Variants in PLXNA2 observed in about 807,000 individuals in gnomAD.
The protein encoded by PLXNA2 is plexin A2.
Under a neutral mutation model 193.5 loss-of-function variants are expected in PLXNA2, and 91 were observed. That is an observed-to-expected ratio of 0.47 (90% CI 0.40 to 0.56). The LOEUF is 0.56. PLXNA2 is among the 20% of genes least tolerant of loss of function. PLXNA2 has a pLI of 0.00. For missense variants in PLXNA2, 1,995 were observed against 2,503.2 expected, an observed-to-expected ratio of 0.80 and a Z score of 4.33; for synonymous variants, 997 against 1,027.3, an observed-to-expected ratio of 0.97 and a Z score of 0.56.
intron 3 of PLXNA2, among the ~76,000 whole-genome samples, chr1:208,149,169 GTGTGGTGTGTGTACATA>G (rs1298552739): frequency 2.0e-5 from 3 of 152,130 alleles, no homozygotes; most frequent in Non-Finnish European, 4.4e-5. Context: ...TGTGTGGCAT[GTGTGGTGTGTGTACATA>G]TGTGGTGTGT....
At chr1:208,231,132 T>G (rs867097365) in intron 1 of PLXNA2, among the ~76,000 whole-genome samples, 1 of 151,932 alleles carries the variant, frequency 6.6e-6, no homozygotes, top group Admixed American at 6.6e-5. Context: ...CTCAGCCCAC[T>G]GTGAGGGAGA....
chr1:208,183,708 G>A (rs1043958455), intron 3 of PLXNA2, among the ~76,000 whole-genome samples: 9 of 152,094 alleles, frequency 5.9e-5, no homozygotes, highest in Non-Finnish European at 1.0e-4. Flanking sequence ...AGAGAGGCCC[G>A]TCTGATGCTT....
intron 3 of PLXNA2, among the ~76,000 whole-genome samples, chr1:208,162,992 G>A (rs1669179751): frequency 2.6e-5 from 4 of 152,214 alleles, no homozygotes; most frequent in African/African-American, 9.7e-5. Flanking sequence ...CTTCACTGAG[G>A]AGGTGTGATA....
chr1:208,104,961 A>C (rs978100422), intron 4 of PLXNA2, among the ~76,000 whole-genome samples: 2 of 152,222 alleles, frequency 1.3e-5, no homozygotes, highest in Non-Finnish European at 2.9e-5. Flanking sequence ...GAGTTGACTC[A>C]AAGTCAACTC....
intron 3 of PLXNA2, among the ~76,000 whole-genome samples, chr1:208,185,696 C>CAAAAAAAAAAAAAAAA (rs56384277): frequency 3.5e-5 from 2 of 57,252 alleles, no homozygotes; most frequent in Non-Finnish European, 5.9e-5. Context: ...TCTCTGAAAG[C>CAAAAAAAAAAAAAAAA]AAAAAAAAAA....
chr1:208,096,939 C>T (rs776954715), intron 6 of PLXNA2, 56 bp from the exon 7 acceptor site: 149 of 1,547,648 alleles, frequency 9.6e-5, no homozygotes, highest in Non-Finnish European at 1.3e-4. Flanking sequence ...ACCTGGACTC[C>T]AGGTCCAGCC....
intron 14 of PLXNA2, among the ~76,000 whole-genome samples, chr1:208,053,709 C>G (rs1207247172): frequency 6.6e-6 from 1 of 152,164 alleles, no homozygotes; most frequent in African/African-American, 2.4e-5. Flanking sequence ...GCCGAAGAAG[C>G]CAAGTTACTG....
chr1:208,049,204 C>G (rs547007140), intron 17 of PLXNA2, among the ~76,000 whole-genome samples: 2 of 152,292 alleles, frequency 1.3e-5, no homozygotes, highest in South Asian at 4.1e-4. Flanking sequence ...CTTCCCTCTT[C>G]TCTTGGGATT....
chr1:208,173,119 G>A (rs918220472), intron 3 of PLXNA2, among the ~76,000 whole-genome samples: 4 of 152,196 alleles, frequency 2.6e-5, no homozygotes, highest in African/African-American at 4.8e-5. Flanking sequence ...GCCTCTATAA[G>A]CCAAATGCCC....
intron 4 of PLXNA2, among the ~76,000 whole-genome samples, chr1:208,135,956 T>C (rs1571955547): frequency 6.6e-6 from 1 of 152,234 alleles, no homozygotes; most frequent in Non-Finnish European, 1.5e-5. Context: ...TAGGGAGTAC[T>C]CACTCTTGGA....
At chr1:208,092,714 T>G in intron 9 of PLXNA2, 72 bp downstream of exon 9, 1 of 1,057,146 alleles carries the variant, frequency 9.5e-7, no homozygotes, top group Non-Finnish European at 1.4e-6. Flanking sequence ...GCCATTGGAC[T>G]GACCATCTAA....
chr1:208,082,327 C>T lies in PLXNA2; in HGVS notation c.2395+85G>A, dbSNP rs370199583. 1.4e-5 allele frequency: 14 copies of T among 1,004,022 alleles called. 1 individual carries two copies. Among genetic ancestry groups the T allele is most frequent in the East Asian group, 2.6e-5 (1 of 38,972 alleles). The allele number at this position is 1,004,022 out of a possible 1,614,324, so 62.2% of individuals were successfully genotyped here. A position where few individuals can be genotyped will look rare whatever the true frequency, so the allele number is the denominator to read the frequency against. On this transcript the variant is annotated intron_variant, in intron 11 of 31. Transcript: ENST00000367033. The surrounding 1 kb of genome is among the most constrained non-coding windows in gnomAD (Gnocchi z 4.2). ...AGGGAGTGTATTATTCATGGCACAGCGGCTGGCTGGCTCTGATCCCTCTAG... is the reference window on the plus strand; with the variant it reads ...AGGGAGTGTATTATTCATGGCACAGTGGCTGGCTGGCTCTGATCCCTCTAG...
intron 1 of PLXNA2, among the ~76,000 whole-genome samples, chr1:208,222,107 C>T (rs1671356314): frequency 1.3e-5 from 2 of 152,204 alleles, no homozygotes; most frequent in Admixed American, 1.3e-4. Context: ...TCCATCCCAT[C>T]ATCTGTCTTA....
chr1:208,041,186 G>C (rs998441873), intron 22 of PLXNA2, among the ~76,000 whole-genome samples: 3 of 152,204 alleles, frequency 2.0e-5, no homozygotes, highest in Non-Finnish European at 4.4e-5. Flanking sequence ...TGGGGGCTCA[G>C]TACTCATAAA....
intron 12 of PLXNA2, among the ~76,000 whole-genome samples, chr1:208,071,190 A>G (rs929652940): frequency 1.7e-4 from 26 of 152,242 alleles, no homozygotes; most frequent in Non-Finnish European, 1.0e-4. Flanking sequence ...AGAGGTGCCG[A>G]AGAAGCCACT....
At chr1:208,036,202 G>A (rs1240396449) in intron 26 of PLXNA2, among the ~76,000 whole-genome samples, 2 of 152,214 alleles carry the variant, frequency 1.3e-5, no homozygotes, top group Admixed American at 1.3e-4. Flanking sequence ...ACAACTGACA[G>A]CCCAGAAATG....
At position 208,243,685 on chromosome 1, in the gene PLXNA2, C is replaced by A. The variant is rs1672138289; in HGVS notation, c.-123G>T. The A allele has an allele frequency of 6.6e-6, 1 of 152,242 alleles. No individual in the cohort carries two copies. Among genetic ancestry groups the A allele is most frequent in the Non-Finnish European group, 1.5e-5 (1 of 68,042 alleles). The allele number at this position is 152,242 out of a possible 1,614,324, so 9.4% of individuals were successfully genotyped here. ...GTCTGTCCTTCCGTCCCCGCTCGGTCTACCTCGGCCGCCGCCGGCTGCTGA... is the reference window on the plus strand; with the variant it reads ...GTCTGTCCTTCCGTCCCCGCTCGGTATACCTCGGCCGCCGCCGGCTGCTGA... On this transcript the variant is annotated 5_prime_UTR_variant, in exon 1 of 32. Coordinates refer to ENST00000367033, the MANE Select transcript of PLXNA2 (RefSeq NM_025179.4).
At chr1:208,049,048 C>T (rs944146676) in intron 17 of PLXNA2, among the ~76,000 whole-genome samples, 9 of 152,180 alleles carry the variant, frequency 5.9e-5, no homozygotes, top group African/African-American at 2.2e-4. Context: ...GCTAAAATGA[C>T]TCAAACTAGC....
chr1:208,042,804 A>C (rs1189470731), intron 21 of PLXNA2, among the ~76,000 whole-genome samples: 1 of 152,254 alleles, frequency 6.6e-6, no homozygotes, highest in Non-Finnish European at 1.5e-5. Flanking sequence ...AGAATGAGGC[A>C]GGATCTTAGT....
Sources: gnomAD v4.1 joint callset for allele counts (sites outside exome capture counted in the v4.1 genomes callset) on GRCh38, gnomAD v4.1.1 for gene constraint, Gnocchi (gnomAD v3.1) non-coding constraint, MANE v1.5 for transcripts, NCBI Gene and HGNC (gene_info 2026-07-23, HGNC 2026-07-21) for gene names.